NCK1: variants seen among roughly 807,000 people sequenced by gnomAD.
NCK1 encodes the protein SH2/SH3 adapter protein NCK1.
In NCK1, 19 loss-of-function variants were observed where a neutral mutation model predicts 36.6. That is an observed-to-expected ratio of 0.52 (90% CI 0.36 to 0.76). NCK1 has a LOEUF of 0.76. NCK1 is among the 30% of genes least tolerant of loss of function. The pLI, the probability that NCK1 is intolerant of heterozygous loss-of-function variation, is 0.00. For synonymous variants in NCK1, 165 were observed against 156.0 expected (o/e 1.06, Z -0.43); for missense variants, 358 against 445.6 (o/e 0.80, Z 1.77).
chr3:136,911,052 C>T (rs1939818153), intron 1 of NCK1, among the ~76,000 whole-genome samples: 1 of 152,116 alleles, frequency 6.6e-6, no homozygotes, highest in African/African-American at 2.4e-5. Flanking sequence ...AGCATAAAGT[C>T]CTCTAGGTTC....
Position 136,941,984 on chromosome 3 carries a change from G to A in NCK1, c.227-3599G>A, listed in dbSNP as rs574348479. 5.1e-4 allele frequency among the ~76,000 whole-genome samples: 77 copies of A among 152,208 alleles called. 2 individuals carry two copies. Among genetic ancestry groups the A allele is most frequent in the South Asian group, 4.6e-3 (22 of 4,828 alleles). On this transcript the variant is annotated intron_variant, in intron 2 of 3. Transcript: ENST00000481752. ...TTCCCGAGTAGCTGGGACTACAAGC[G>A]TGTGCCACCACGCCCGGCTAATTTT... is the stretch of plus-strand genomic sequence containing the variant.
chr3:136,927,214 C>G (rs188712787), intron 1 of NCK1, among the ~76,000 whole-genome samples: 135 of 152,234 alleles, frequency 8.9e-4, no homozygotes, highest in Non-Finnish European at 1.6e-3. Context: ...TCAGGTGATC[C>G]ACCAGCCTCG....
chr3:136,943,715 G>A (rs978927046), intron 2 of NCK1, among the ~76,000 whole-genome samples: 5 of 152,124 alleles, frequency 3.3e-5, no homozygotes, highest in African/African-American at 1.2e-4. Context: ...ATAAGATCTC[G>A]TTTTCTGCCC....
intron 1 of NCK1, among the ~76,000 whole-genome samples, chr3:136,925,388 T>C (rs558841377): frequency 7.3e-4 from 111 of 152,362 alleles, no homozygotes; most frequent in Admixed American, 7.2e-4. Context: ...TGAGAAACTT[T>C]AGAACTTATT....
rs767138188 is a variant in NCK1 at position 136,948,292 on chromosome 3, G to A, written c.973G>A (p.Gly325Arg). 23 of 1,605,732 alleles carry A rather than the reference G, an allele frequency of 1.4e-5. No homozygotes were observed. The East Asian group carries it at 5.1e-4, about 36-fold the overall frequency. ...TTTCTCAGTATCACTAAAAGCACAA[G>A]GGAAAAACAAGCATTTTAAAGTCCA... is the stretch of plus-strand genomic sequence containing the variant. Reference protein sequence around the residue: ...NDFSVSLKAQGKNKHFKVQLK... With the variant: ...NDFSVSLKAQRKNKHFKVQLK... The change falls in exon 4 of 4, where the codon GGG becomes AGG. Residue 325 changes from glycine (G) to arginine (R), a missense_variant. This residue lies in a region of NCK1 where 207 missense variants were observed against 253.4 expected (regional missense o/e 0.82). Transcript: ENST00000481752.
At chr3:136,872,613 G>A (rs1560030824) in intron 1 of NCK1, among the ~76,000 whole-genome samples, 2 of 152,340 alleles carry the variant, frequency 1.3e-5, no homozygotes, top group South Asian at 4.1e-4. Flanking sequence ...GAAAATGTCT[G>A]CAGGGCGTGT....
At position 136,879,906 on chromosome 3, in the gene NCK1, G is replaced by A. The variant is rs370492989; in HGVS notation, c.-19+17553G>A. Among the ~76,000 whole-genome samples the A allele has an allele frequency of 2.0e-5, 3 of 151,602 alleles. No homozygotes were observed. The South Asian group carries it at 6.3e-4, about 32-fold the overall frequency. The stretch of plus-strand genomic sequence containing the variant: ...TACTTAATGTAAATGACAAGTTGAT[G>A]GGTGCAGCAAACCAACGTGGCACGT... On this transcript the variant is annotated intron_variant, in intron 1 of 3. Transcript: ENST00000481752.
intron 2 of NCK1, among the ~76,000 whole-genome samples, chr3:136,941,770 A>G (rs1343071922): frequency 6.6e-6 from 1 of 151,656 alleles, no homozygotes; most frequent in Non-Finnish European, 1.5e-5. Context: ...TACCTTTACC[A>G]TTGTTCTTTA....
intron 2 of NCK1, among the ~76,000 whole-genome samples, chr3:136,937,184 T>A (rs573225980): frequency 1.3e-5 from 2 of 152,332 alleles, no homozygotes; most frequent in East Asian, 3.9e-4. Flanking sequence ...TTTATAGATA[T>A]CCATTTGTTC....
Position 136,951,476 on chromosome 3 carries a change from TAAC to T in NCK1, c.*3025_*3027del, listed in dbSNP as rs1940968735. On this transcript the variant is annotated 3_prime_UTR_variant, in exon 4 of 4. Transcript: ENST00000481752. ...TTTCCCTTTAAAAATGAGAAGCTAATAACATGAGTTGAATTCCCACAAGTCAAC... is the reference window on the plus strand; with the variant it reads ...TTTCCCTTTAAAAATGAGAAGCTAATATGAGTTGAATTCCCACAAGTCAAC... Among the ~76,000 whole-genome samples, 2 of 152,204 alleles carry T rather than the reference TAAC, an allele frequency of 1.3e-5. No homozygotes were observed. The highest frequency in any genetic ancestry group is 4.8e-5 in the African/African-American group (2 of 41,456).
intron 1 of NCK1, among the ~76,000 whole-genome samples, chr3:136,921,808 G>A (rs761241226): frequency 2.0e-5 from 3 of 152,100 alleles, no homozygotes; most frequent in Non-Finnish European, 4.4e-5. Context: ...GTTTTGAGAC[G>A]GAGTCTGTCT....
At chr3:136,867,000 C>T (rs1264147254) in intron 1 of NCK1, among the ~76,000 whole-genome samples, 1 of 152,000 alleles carries the variant, frequency 6.6e-6, no homozygotes, top group African/African-American at 2.4e-5. Flanking sequence ...GCTTTTGGTC[C>T]TTTGGTGCAG....
intron 1 of NCK1, among the ~76,000 whole-genome samples, chr3:136,909,418 T>C (rs1055247986): frequency 6.6e-6 from 1 of 152,186 alleles, no homozygotes; most frequent in African/African-American, 2.4e-5. Context: ...GTGTATGATA[T>C]TCTGTTGAGG....
intron 1 of NCK1, among the ~76,000 whole-genome samples, chr3:136,914,999 C>G (rs1231067834): frequency 1.3e-5 from 2 of 152,198 alleles, no homozygotes; most frequent in Admixed American, 6.5e-5. Flanking sequence ...TGTGTACATG[C>G]TGGCTTCTCT....
chr3:136,916,239 G>T (rs1939960884), intron 1 of NCK1, among the ~76,000 whole-genome samples: 1 of 152,128 alleles, frequency 6.6e-6, no homozygotes, highest in African/African-American at 2.4e-5. Context: ...AAACCATTTT[G>T]TGATTAAAAA....
intron 1 of NCK1, among the ~76,000 whole-genome samples, chr3:136,906,810 T>G (rs1365010917): frequency 6.6e-6 from 1 of 152,060 alleles, no homozygotes; most frequent in East Asian, 1.9e-4. Context: ...GCAGGTTGAA[T>G]AGGTCCAATC....
chr3:136,887,838 C>A (rs1939112415), intron 1 of NCK1, among the ~76,000 whole-genome samples: 1 of 152,168 alleles, frequency 6.6e-6, no homozygotes, highest in Admixed American at 6.6e-5. Flanking sequence ...CTCAGTGTTA[C>A]ACACTGATGA....
chr3:136,945,643 GTTT>G lies in NCK1; in HGVS notation c.289_291del (p.Phe97del). The G allele has an allele frequency of 6.2e-7, 1 of 1,614,088 alleles. No individual in the cohort carries two copies. Among genetic ancestry groups the G allele is most frequent in the Non-Finnish European group, 8.5e-7 (1 of 1,179,974 alleles). On this transcript the variant is annotated inframe_deletion, in exon 3 of 4. Coordinates refer to ENST00000481752, the MANE Select transcript of NCK1 (RefSeq NM_001291999.2). ...GATTCTGCATCTCCTGCTGATGATA[GTTT>G]TGTTGACCCAGGGGAACGTCTCTAT...
chr3:136,888,326 A>G (rs1939128896), intron 1 of NCK1, among the ~76,000 whole-genome samples: 1 of 152,196 alleles, frequency 6.6e-6, no homozygotes, highest in African/African-American at 2.4e-5. Flanking sequence ...TGATTCACAT[A>G]CTATACAGTT....
Sources: gnomAD v4.1 joint callset for allele counts (sites outside exome capture counted in the v4.1 genomes callset) on GRCh38, gnomAD v4.1.1 for gene constraint, gnomAD v4.1.1 regional missense constraint, MANE v1.5 for transcripts, NCBI Gene and HGNC (gene_info 2026-07-23, HGNC 2026-07-21) for gene names.